The following QKI variants were observed in gnomAD, a reference collection of about 807,000 sequenced individuals.
The protein encoded by QKI is QKI, KH domain containing RNA binding.
QKI carries 10 observed loss-of-function variants against 39.0 expected under a neutral mutation model. That is an observed-to-expected ratio of 0.26 (90% CI 0.16 to 0.43). The LOEUF is 0.43. Among genes scored for constraint, QKI ranks in the 20% least tolerant of loss-of-function variants. QKI has a pLI of 1.00. For synonymous variants in QKI, 204 were observed against 155.4 expected (o/e 1.31, Z -2.33); for missense variants, 218 against 428.0 (o/e 0.51, Z 4.33).
intron 2 of QKI, among the ~76,000 whole-genome samples, chr6:163,467,906 A>G (rs561810069): frequency 1.3e-5 from 2 of 152,148 alleles, no homozygotes; most frequent in Non-Finnish European, 2.9e-5. Context: ...AAAATATCGT[A>G]AATTTAAAAC....
intron 3 of QKI, among the ~76,000 whole-genome samples, chr6:163,502,119 T>TC (rs1778807875): frequency 6.6e-6 from 1 of 151,954 alleles, no homozygotes; most frequent in Non-Finnish European, 1.5e-5. Flanking sequence ...GCTCAGGAGT[T>TC]CAAGACCAGA....
chr6:163,508,582 T>C (rs532126439), intron 3 of QKI, among the ~76,000 whole-genome samples: 3 of 150,702 alleles, frequency 2.0e-5, no homozygotes, highest in Non-Finnish European at 4.4e-5. Context: ...CAGGCTGGAG[T>C]GCAGTGGTGC....
At chr6:163,452,119 G>C (rs1369859374) in intron 1 of QKI, among the ~76,000 whole-genome samples, 1 of 152,214 alleles carries the variant, frequency 6.6e-6, no homozygotes, top group Non-Finnish European at 1.5e-5. Context: ...TTGTAAGAAA[G>C]AGACTTGTCT....
At chr6:163,504,052 T>G (rs1778948391) in intron 3 of QKI, among the ~76,000 whole-genome samples, 1 of 152,062 alleles carries the variant, frequency 6.6e-6, no homozygotes, top group Non-Finnish European at 1.5e-5. Flanking sequence ...GGTTAATTTT[T>G]GTATATTGTG....
At position 163,576,493 on chromosome 6, in the gene QKI, A is replaced by G. The variant is rs1783980926; in HGVS notation, c.*5783A>G. 6.6e-6 allele frequency: 1 copy of G among 152,070 alleles called. No individual in the cohort carries two copies. Among genetic ancestry groups the G allele is most frequent in the Admixed American group, 6.5e-5 (1 of 15,268 alleles). 9.4% of individuals were successfully genotyped at this position (152,070 alleles called of 1,614,324 possible). On this transcript the variant is annotated 3_prime_UTR_variant, in exon 8 of 8. Coordinates refer to ENST00000361752, the MANE Select transcript of QKI (RefSeq NM_006775.3). ...AATTTATAACTTAAAAGTGCTATTAAGTTTTTATTACCAAATATATCTTTT... is the reference window on the plus strand; with the variant it reads ...AATTTATAACTTAAAAGTGCTATTAGGTTTTTATTACCAAATATATCTTTT...
intron 4 of QKI, among the ~76,000 whole-genome samples, chr6:163,553,639 GATTACT>G (rs1782403067): frequency 2.0e-5 from 3 of 151,972 alleles, no homozygotes; most frequent in Admixed American, 6.6e-5. Flanking sequence ...TGCCTGTTAA[GATTACT>G]ATTACTATTA....
chr6:163,484,292 T>A (rs1793306021), intron 3 of QKI, among the ~76,000 whole-genome samples: 1 of 151,798 alleles, frequency 6.6e-6, no homozygotes, highest in Admixed American at 6.6e-5. Context: ...AACCTCCGCC[T>A]TCTGGGTTCG....
intron 3 of QKI, among the ~76,000 whole-genome samples, chr6:163,490,802 T>C (rs1375088821): frequency 2.0e-5 from 3 of 152,174 alleles, no homozygotes; most frequent in Non-Finnish European, 4.4e-5. Context: ...AAGTGGGAAG[T>C]GACTAAAGGC....
intron 4 of QKI, among the ~76,000 whole-genome samples, chr6:163,543,971 C>T (rs941353916): frequency 2.6e-5 from 4 of 152,028 alleles, no homozygotes; most frequent in Non-Finnish European, 5.9e-5. Context: ...TTACTCAGTG[C>T]ATGTAATAAA....
chr6:163,515,128 T>A (rs1259278626), intron 3 of QKI, among the ~76,000 whole-genome samples: 1 of 152,170 alleles, frequency 6.6e-6, no homozygotes, highest in Non-Finnish European at 1.5e-5. Flanking sequence ...AAAATGAACA[T>A]TTGAAAAGAT....
At chr6:163,453,028 C>T (rs539837727) in intron 1 of QKI, among the ~76,000 whole-genome samples, 2 of 151,754 alleles carry the variant, frequency 1.3e-5, no homozygotes, top group African/African-American at 2.4e-5. Flanking sequence ...GCGCCCGGCA[C>T]GTTTATTTAA....
intron 7 of QKI, chr6:163,569,145 ATATT>A (rs879817012): frequency 3.3e-4 from 307 of 943,068 alleles, no homozygotes; most frequent in Admixed American, 8.6e-4. Flanking sequence ...ATCATGTTAA[ATATT>A]TATTTTCTTC....
chr6:163,427,938 T>A (rs1430073282), intron 1 of QKI, among the ~76,000 whole-genome samples: 2 of 152,212 alleles, frequency 1.3e-5, no homozygotes, highest in African/African-American at 4.8e-5. Flanking sequence ...TATTTCTTAG[T>A]AGTTGCAAAA....
chr6:163,481,777 G>C (rs938624841), intron 3 of QKI, among the ~76,000 whole-genome samples: 3 of 152,136 alleles, frequency 2.0e-5, no homozygotes, highest in Admixed American at 1.3e-4. Context: ...TGGAACCAGG[G>C]CTTGAAAACT....
intron 1 of QKI, chr6:163,416,047 T>A: frequency 4.2e-5 from 1 of 23,584 alleles, no homozygotes; most frequent in Admixed American, 3.7e-4. Flanking sequence ...ACTTCACTTT[T>A]CGGGGGTGGG....
chr6:163,416,084 C>T (rs1228016117), intron 1 of QKI, among the ~76,000 whole-genome samples: 1 of 146,994 alleles, frequency 6.8e-6, no homozygotes, highest in African/African-American at 2.5e-5. Flanking sequence ...TGCGAAATAA[C>T]GCGATGACAG....
At chr6:163,547,617 C>A (rs144574496) in intron 4 of QKI, among the ~76,000 whole-genome samples, 2 of 152,256 alleles carry the variant, frequency 1.3e-5, no homozygotes, top group South Asian at 2.1e-4. Context: ...TTGCCCTCCC[C>A]GTATCACAAT....
intron 1 of QKI, among the ~76,000 whole-genome samples, chr6:163,419,795 A>G (rs1442097753): frequency 1.3e-5 from 2 of 152,226 alleles, no homozygotes; most frequent in East Asian, 1.9e-4. Flanking sequence ...GTTGATAGAA[A>G]TAGGTCTCTT....
intron 4 of QKI, among the ~76,000 whole-genome samples, chr6:163,535,565 G>T: frequency 6.6e-6 from 1 of 150,842 alleles, no homozygotes. Flanking sequence ...TAAATTACTG[G>T]TTTTCTGGGC....
Sources: allele counts gnomAD v4.1 joint callset (sites outside exome capture counted in the v4.1 genomes callset), GRCh38; gene constraint gnomAD v4.1.1; transcripts MANE v1.5; gene names NCBI Gene and HGNC (gene_info 2026-07-23, HGNC 2026-07-21).